AGBL1: variants seen among roughly 807,000 people sequenced by gnomAD.
The protein encoded by AGBL1 is cytosolic carboxypeptidase 4.
AGBL1 carries 130 observed loss-of-function variants against 118.9 expected under a neutral mutation model. The ratio of observed to expected loss-of-function variants is 1.09; its 90% confidence interval spans 0.95 to 1.26. AGBL1 has a LOEUF of 1.26. Among genes scored for constraint, AGBL1 ranks in the 50% most tolerant of loss-of-function variants. AGBL1 has a pLI of 0.00. For synonymous variants in AGBL1, 555 were observed against 478.9 expected (o/e 1.16, Z -2.08); for missense variants, 1,584 against 1,298.1 (o/e 1.22, Z -3.38).
chr15:86,622,141 A>G (rs1185011051), intron 21 of AGBL1, among the ~76,000 whole-genome samples: 2 of 152,158 alleles, frequency 1.3e-5, no homozygotes, highest in African/African-American at 4.8e-5. Context: ...CAGCCTGGCC[A>G]ACATGGTGAA....
chr15:86,835,965 C>T (rs915117843), intron 22 of AGBL1, among the ~76,000 whole-genome samples: 1 of 152,180 alleles, frequency 6.6e-6, no homozygotes, highest in Non-Finnish European at 1.5e-5. Context: ...GAAGGAAAAA[C>T]AGTTTCTTAT....
chr15:86,966,852 T>G (rs1567263814), intron 23 of AGBL1, among the ~76,000 whole-genome samples: 1 of 152,126 alleles, frequency 6.6e-6, no homozygotes, highest in South Asian at 2.1e-4. Flanking sequence ...GTAATGGGAT[T>G]GCTGGGCCAA....
chr15:86,854,209 G>A (rs991769591), intron 22 of AGBL1, among the ~76,000 whole-genome samples: 2 of 152,146 alleles, frequency 1.3e-5, no homozygotes, highest in South Asian at 4.1e-4. Context: ...TTAGTTGATG[G>A]GGGTGTACAT....
At chr15:86,277,858 C>G (rs1375818940) in intron 15 of AGBL1, among the ~76,000 whole-genome samples, 1 of 152,244 alleles carries the variant, frequency 6.6e-6, no homozygotes, top group African/African-American at 2.4e-5. Flanking sequence ...TGTGCACTCA[C>G]ACATATGTGC....
rs1009071672 is a variant in AGBL1 at position 86,761,638 on chromosome 15, T to G, written c.3158+87202T>G. 2.0e-5 allele frequency among the ~76,000 whole-genome samples: 3 copies of G among 151,920 alleles called. No individual in the cohort carries two copies. In the East Asian group the frequency reaches 5.8e-4, roughly 30 times the overall value. On this transcript the variant is annotated intron_variant, in intron 22 of 22. Coordinates refer to ENST00000614907, the MANE Select transcript of AGBL1 (RefSeq NM_001386094.1). ...AAATTTGGCATATAAAAAAGAGGAG[T>G]GTCTGTTCATAATCATTTGTGCACT... is the stretch of plus-strand genomic sequence containing the variant.
intron 17 of AGBL1, among the ~76,000 whole-genome samples, chr15:86,395,296 G>A (rs770979367): frequency 1.3e-5 from 2 of 151,852 alleles, no homozygotes; most frequent in East Asian, 1.9e-4. Flanking sequence ...CGACTTTTGC[G>A]CCACTGGTTT....
At chr15:86,578,893 C>T (rs573208568) in intron 21 of AGBL1, among the ~76,000 whole-genome samples, 1 of 152,278 alleles carries the variant, frequency 6.6e-6, no homozygotes, top group Non-Finnish European at 1.5e-5. Flanking sequence ...ATGTCTTTAT[C>T]AGCAGCATGA....
intron 22 of AGBL1, among the ~76,000 whole-genome samples, chr15:86,689,495 C>G (rs2086124298): frequency 6.6e-6 from 1 of 152,034 alleles, no homozygotes; most frequent in Non-Finnish European, 1.5e-5. Flanking sequence ...ATGAACAAAT[C>G]TTTGTCAAGC....
chr15:86,738,813 A>G (rs1278910891), intron 22 of AGBL1, among the ~76,000 whole-genome samples: 1 of 152,088 alleles, frequency 6.6e-6, no homozygotes, highest in Non-Finnish European at 1.5e-5. Context: ...GGGGGAAGAT[A>G]ATTTGACCAT....
intron 3 of AGBL1, among the ~76,000 whole-genome samples, chr15:86,149,990 A>C (rs1259332712): frequency 6.6e-6 from 1 of 152,200 alleles, no homozygotes; most frequent in Non-Finnish European, 1.5e-5. Context: ...AAACCGCACA[A>C]CTACATGGAA....
intron 18 of AGBL1, among the ~76,000 whole-genome samples, chr15:86,475,519 A>G (rs1393745389): frequency 2.6e-5 from 4 of 152,224 alleles, no homozygotes; most frequent in East Asian, 3.8e-4. Context: ...AGAGAAGTTT[A>G]GAGAAAAAAG....
At chr15:86,094,814 T>C (rs1004871694) in intron 1 of AGBL1, among the ~76,000 whole-genome samples, 2 of 152,206 alleles carry the variant, frequency 1.3e-5, no homozygotes, top group Non-Finnish European at 2.9e-5. Flanking sequence ...AACCAACTCT[T>C]CAACTTTCTG....
intron 17 of AGBL1, among the ~76,000 whole-genome samples, chr15:86,382,972 T>C (rs2081132551): frequency 6.6e-6 from 1 of 152,128 alleles, no homozygotes; most frequent in African/African-American, 2.4e-5. Context: ...AACCTAGCTA[T>C]AGAAATTTCC....
At chr15:86,358,165 C>G (rs1045857666) in intron 17 of AGBL1, among the ~76,000 whole-genome samples, 3 of 151,990 alleles carry the variant, frequency 2.0e-5, no homozygotes, top group Non-Finnish European at 4.4e-5. Flanking sequence ...CCTTTGCATC[C>G]TTTAATCAAT....
chr15:86,506,298 G>C (rs1416283345), intron 18 of AGBL1, among the ~76,000 whole-genome samples: 2 of 151,958 alleles, frequency 1.3e-5, no homozygotes, highest in Non-Finnish European at 2.9e-5. Context: ...AAATATTTTA[G>C]AGCTTTCAAA....
At chr15:86,508,705 A>T (rs989357600) in intron 18 of AGBL1, among the ~76,000 whole-genome samples, 2 of 152,134 alleles carry the variant, frequency 1.3e-5, no homozygotes, top group African/African-American at 4.8e-5. Flanking sequence ...AGTAACTGAG[A>T]TCCATTAAAT....
intron 5 of AGBL1, among the ~76,000 whole-genome samples, chr15:86,195,946 A>G (rs975034889): frequency 6.6e-6 from 1 of 152,206 alleles, no homozygotes; most frequent in South Asian, 2.1e-4. Context: ...GTTGAGGATC[A>G]TAAGACTTAC....
rs1372803864 is a variant in AGBL1 at position 86,403,894 on chromosome 15, A to T, written c.2555+6348A>T. ...TCCCAGTCATTCAAATGATAAGGAAACTGAGACCAAAGAGGTAAGTGAGTT... is the reference window on the plus strand; with the variant it reads ...TCCCAGTCATTCAAATGATAAGGAATCTGAGACCAAAGAGGTAAGTGAGTT... On this transcript the variant is annotated intron_variant, in intron 18 of 22. Coordinates refer to ENST00000614907, the MANE Select transcript of AGBL1 (RefSeq NM_001386094.1). Among the ~76,000 whole-genome samples the T allele has an allele frequency of 4.6e-5, 7 of 152,186 alleles. No homozygotes were observed. The East Asian group carries it at 1.2e-3, about 25-fold the overall frequency.
chr15:86,876,172 C>G (rs1247710371), intron 22 of AGBL1, among the ~76,000 whole-genome samples: 1 of 152,048 alleles, frequency 6.6e-6, no homozygotes, highest in African/African-American at 2.4e-5. Context: ...ATCCTGTATA[C>G]CAAGGACTCT....
Sources: gnomAD v4.1 joint callset for allele counts (sites outside exome capture counted in the v4.1 genomes callset) on GRCh38, gnomAD v4.1.1 for gene constraint, MANE v1.5 for transcripts, NCBI Gene and HGNC (gene_info 2026-07-23, HGNC 2026-07-21) for gene names.